Variants in DOK5 observed in about 807,000 individuals in gnomAD.
The protein encoded by DOK5 is downstream of tyrosine kinase 5.
DOK5 carries 27 observed loss-of-function variants against 43.3 expected under a neutral mutation model. The observed-to-expected ratio is 0.62, with a 90% CI of 0.46 to 0.86. The LOEUF (loss-of-function observed/expected upper bound fraction) is 0.86, where lower values mean the gene tolerates loss of function less well. Ranked by LOEUF, DOK5 falls within the 40% of genes least tolerant of loss-of-function variation. DOK5 has a pLI of 0.00. For synonymous variants in DOK5, 146 were observed against 140.1 expected, an observed-to-expected ratio of 1.04 and a Z score of -0.30; for missense variants, 373 against 392.9, an observed-to-expected ratio of 0.95 and a Z score of 0.43.
chr20:54,556,015 G>A (rs1026656574), intron 2 of DOK5, among the ~76,000 whole-genome samples: 1 of 152,070 alleles, frequency 6.6e-6, no homozygotes, highest in Admixed American at 6.6e-5. Flanking sequence ...ATGACACTTT[G>A]GTTTATATGA....
chr20:54,567,572 C>T (rs979671294), intron 2 of DOK5, among the ~76,000 whole-genome samples: 3 of 152,160 alleles, frequency 2.0e-5, no homozygotes, highest in Non-Finnish European at 2.9e-5. Flanking sequence ...ATCATACTCT[C>T]TTGATTACTG....
chr20:54,603,715 G>C lies in DOK5; in HGVS notation c.600-6673G>C, dbSNP rs538498517. On this transcript the variant is annotated intron_variant, in intron 5 of 7. Coordinates refer to ENST00000262593, the MANE Select transcript of DOK5 (RefSeq NM_018431.5). ...AACAAAGCACGATCAGACCACGTCA[G>C]TGTTGCTGACTTTAGTAGAGCTGAG... Among the ~76,000 whole-genome samples the C allele has an allele frequency of 5.9e-5, 9 of 152,238 alleles. No individual in the cohort carries two copies. The South Asian group carries it at 1.9e-3, about 32-fold the overall frequency.
chr20:54,542,733 A>G (rs1343473084), intron 1 of DOK5, among the ~76,000 whole-genome samples: 1 of 152,238 alleles, frequency 6.6e-6, no homozygotes, highest in Admixed American at 6.5e-5. Context: ...AGGTTACAAC[A>G]TAGGGAGGTG....
intron 5 of DOK5, among the ~76,000 whole-genome samples, chr20:54,603,545 G>T (rs1029278088): frequency 1.3e-5 from 2 of 152,088 alleles, no homozygotes; most frequent in African/African-American, 4.8e-5. Flanking sequence ...CCTCATTTTG[G>T]TCTATTTCAA....
intron 1 of DOK5, among the ~76,000 whole-genome samples, chr20:54,546,075 CA>C (rs1478219263): frequency 6.6e-6 from 1 of 152,148 alleles, no homozygotes; most frequent in African/African-American, 2.4e-5. Context: ...TTCAGGCAAA[CA>C]AAAGTTAGAA....
At chr20:54,577,784 A>G (rs1006851908) in intron 2 of DOK5, among the ~76,000 whole-genome samples, 2 of 152,216 alleles carry the variant, frequency 1.3e-5, no homozygotes, top group African/African-American at 4.8e-5. Context: ...AAATCCAGGA[A>G]GGAGGGCAAT....
chr20:54,573,926 G>A (rs529051035), intron 2 of DOK5, among the ~76,000 whole-genome samples: 42 of 152,204 alleles, frequency 2.8e-4, no homozygotes, highest in Admixed American at 5.9e-4. Flanking sequence ...AACTCAGAGC[G>A]TGTGGGAAGA....
intron 2 of DOK5, among the ~76,000 whole-genome samples, chr20:54,573,392 A>C (rs1298128456): frequency 6.6e-6 from 1 of 152,186 alleles, no homozygotes; most frequent in Non-Finnish European, 1.5e-5. Context: ...TGGGCTTTTA[A>C]GATAATAAAG....
chr20:54,520,698 C>T (rs1983362202), intron 1 of DOK5, among the ~76,000 whole-genome samples: 1 of 152,084 alleles, frequency 6.6e-6, no homozygotes, highest in South Asian at 2.1e-4. Context: ...AGCAGGAGGA[C>T]TTGCTTGAGC....
chr20:54,641,044 T>C (rs989985274), intron 6 of DOK5, among the ~76,000 whole-genome samples: 7 of 152,234 alleles, frequency 4.6e-5, no homozygotes, highest in Admixed American at 1.3e-4. Context: ...AAACATCACA[T>C]TGTACTCTAT....
intron 2 of DOK5, among the ~76,000 whole-genome samples, chr20:54,579,625 G>A (rs1350880716): frequency 6.6e-6 from 1 of 152,038 alleles, no homozygotes; most frequent in African/African-American, 2.4e-5. Flanking sequence ...AGCTACTTTA[G>A]ATAACCTCAT....
At chr20:54,600,525 G>A (rs1397976442) in intron 5 of DOK5, among the ~76,000 whole-genome samples, 1 of 152,080 alleles carries the variant, frequency 6.6e-6, no homozygotes, top group Non-Finnish European at 1.5e-5. Flanking sequence ...GAAGTGCATG[G>A]GAGGATGGAG....
chr20:54,641,276 G>A (rs148176262), intron 6 of DOK5, among the ~76,000 whole-genome samples: 89 of 152,206 alleles, frequency 5.8e-4, no homozygotes, highest in African/African-American at 2.1e-3. Context: ...CAGGGAATTC[G>A]ATTCAGCAAA....
chr20:54,516,175 T>A (rs1446653251), intron 1 of DOK5, among the ~76,000 whole-genome samples: 2 of 152,220 alleles, frequency 1.3e-5, no homozygotes, highest in Non-Finnish European at 2.9e-5. Flanking sequence ...GGTTATATAA[T>A]CCAGTTATAG....
At chr20:54,575,334 G>A (rs1352932258) in intron 2 of DOK5, among the ~76,000 whole-genome samples, 1 of 152,186 alleles carries the variant, frequency 6.6e-6, no homozygotes. Context: ...AACATTTTGG[G>A]GACTTTCAGG....
chr20:54,507,931 A>T (rs1027836401), intron 1 of DOK5, among the ~76,000 whole-genome samples: 10 of 152,200 alleles, frequency 6.6e-5, no homozygotes, highest in African/African-American at 2.4e-4. Context: ...GAACCCGTGG[A>T]GGATTTAAGA....
chr20:54,640,170 C>A (rs189192800), intron 6 of DOK5, among the ~76,000 whole-genome samples: 2 of 152,166 alleles, frequency 1.3e-5, no homozygotes, highest in African/African-American at 4.8e-5. Flanking sequence ...ATGGGGAGAA[C>A]GTGCCAAATC....
chr20:54,572,441 C>T (rs1985313351), intron 2 of DOK5, among the ~76,000 whole-genome samples: 2 of 152,022 alleles, frequency 1.3e-5, no homozygotes, highest in Admixed American at 1.3e-4. Flanking sequence ...GGATTACAGG[C>T]GTGAGCCACC....
rs776969342 is a variant in DOK5 at position 54,503,943 on chromosome 20, G to A, written c.66+27931G>A. On this transcript the variant is annotated intron_variant, in intron 1 of 7. Transcript: ENST00000262593. ...ATGGGGTCATCTTGTAAGGAGAAGA[G>A]CTAAGCAGGTGCTTGGCCGAGGTTT... Among the ~76,000 whole-genome samples the A allele has an allele frequency of 6.6e-4, 100 of 152,204 alleles. 1 individual carries two copies. The highest frequency in any genetic ancestry group is 1.8e-4 in the Non-Finnish European group (12 of 68,042).
Sources: allele counts gnomAD v4.1 joint callset (sites outside exome capture counted in the v4.1 genomes callset), GRCh38; gene constraint gnomAD v4.1.1; transcripts MANE v1.5; gene names NCBI Gene and HGNC (gene_info 2026-07-23, HGNC 2026-07-21).